NRXN3: variants seen among roughly 807,000 people sequenced by gnomAD.
NRXN3 encodes the protein neurexin 3, also known as neurexin III.
A neutral mutation model predicts 137.6 loss-of-function variants in NRXN3; 32 were observed. The observed-to-expected ratio is 0.23, with a 90% confidence interval of 0.18 to 0.31. NRXN3 has a LOEUF of 0.31. Among genes scored for constraint, NRXN3 ranks in the 10% least tolerant of loss-of-function variants. NRXN3 has a pLI of 1.00. For synonymous variants in NRXN3, 798 were observed against 784.5 expected, an observed-to-expected ratio of 1.02 and a Z score of -0.29; for missense variants, 1,574 against 2,062.5, an observed-to-expected ratio of 0.76 and a Z score of 4.59.
At chr14:79,162,558 C>A (rs2060893450) in intron 15 of NRXN3, among the ~76,000 whole-genome samples, 1 of 151,728 alleles carries the variant, frequency 6.6e-6, no homozygotes, top group African/African-American at 2.4e-5. Context: ...AGACACTTCT[C>A]AAAAGAAGAC....
At chr14:79,750,599 A>G (rs889787157) in intron 19 of NRXN3, among the ~76,000 whole-genome samples, 1 of 152,178 alleles carries the variant, frequency 6.6e-6, no homozygotes, top group Non-Finnish European at 1.5e-5. Context: ...GAGACCTGAA[A>G]GTAGAACCTG....
intron 8 of NRXN3, among the ~76,000 whole-genome samples, chr14:78,739,388 T>C (rs1202119984): frequency 6.6e-6 from 1 of 152,162 alleles, no homozygotes; most frequent in Non-Finnish European, 1.5e-5. Context: ...TCATAACCTC[T>C]TTACAGGCTG....
At chr14:78,945,563 G>A (rs1156639315) in intron 10 of NRXN3, among the ~76,000 whole-genome samples, 3 of 152,172 alleles carry the variant, frequency 2.0e-5, no homozygotes, top group Non-Finnish European at 4.4e-5. Flanking sequence ...AAAATGGAAC[G>A]AGGCTACCCA....
chr14:78,283,698 G>A (rs1225530182), intron 3 of NRXN3, among the ~76,000 whole-genome samples: 6 of 151,978 alleles, frequency 3.9e-5, no homozygotes, highest in African/African-American at 1.4e-4. Context: ...TAGCAGAGAC[G>A]GGGTTCCACC....
intron 6 of NRXN3, chr14:78,697,748 G>A (rs977759898): frequency 6.6e-6 from 1 of 151,976 alleles, no homozygotes; most frequent in African/African-American, 2.4e-5. Flanking sequence ...TCGAGTACCA[G>A]CATTTCTGTC....
intron 15 of NRXN3, among the ~76,000 whole-genome samples, chr14:79,159,947 TG>T (rs1369812822): frequency 6.6e-6 from 1 of 151,906 alleles, no homozygotes; most frequent in Non-Finnish European, 1.5e-5. Flanking sequence ...TCTACATATA[TG>T]GCCAGTGCTA....
At chr14:78,803,488 A>C in intron 8 of NRXN3, 132 bp from the exon 9 acceptor site, 1 of 775,490 alleles carries the variant, frequency 1.3e-6, no homozygotes, top group Non-Finnish European at 2.2e-6. Context: ...GGTAACAACA[A>C]GGGTTCATCA....
At chr14:79,446,304 T>C (rs1221605348) in intron 15 of NRXN3, among the ~76,000 whole-genome samples, 1 of 152,196 alleles carries the variant, frequency 6.6e-6, no homozygotes, top group Non-Finnish European at 1.5e-5. Context: ...TTTCCATTTC[T>C]GTCTACTGCT....
chr14:78,952,825 G>A (rs2099389595), intron 10 of NRXN3, among the ~76,000 whole-genome samples: 1 of 152,150 alleles, frequency 6.6e-6, no homozygotes, highest in South Asian at 2.1e-4. Context: ...GTAAAACCAA[G>A]TGATTATGAT....
At position 78,926,900 on chromosome 14, in the gene NRXN3, AATATATATAAT is replaced by A. The variant is rs1187091384; in HGVS notation, c.2276-30325_2276-30315del. Among the ~76,000 whole-genome samples, 11 of 24,146 alleles carry A rather than the reference AATATATATAAT, an allele frequency of 4.6e-4. 2 individuals are homozygous for A. Among genetic ancestry groups the A allele is most frequent in the African/African-American group, 3.4e-3 (8 of 2,352 alleles). The allele number at this position is 24,146 out of a possible 152,430, so 15.8% of individuals were successfully genotyped here. A position where few individuals can be genotyped will look rare whatever the true frequency, so the allele number is the denominator to read the frequency against. The stretch of plus-strand genomic sequence containing the variant: ...ATATAATATATTTATATATATATAT[AATATATATAAT>A]ATATATATAATATATAATATATTTA... On this transcript the variant is annotated intron_variant, in intron 10 of 20. Transcript: ENST00000335750.
intron 16 of NRXN3, among the ~76,000 whole-genome samples, chr14:79,526,064 T>G (rs902584117): frequency 2.6e-5 from 4 of 152,146 alleles, no homozygotes; most frequent in Non-Finnish European, 5.9e-5. Flanking sequence ...TTTCTTTTTT[T>G]GAGACGGAGT....
chr14:78,542,509 A>G (rs866734394), intron 4 of NRXN3, among the ~76,000 whole-genome samples: 37 of 152,326 alleles, frequency 2.4e-4, no homozygotes, highest in Middle Eastern at 3.4e-3. Flanking sequence ...CACAGGAGAG[A>G]ATCTCCTTGT....
At chr14:79,682,315 A>T (rs1309110075) in intron 17 of NRXN3, among the ~76,000 whole-genome samples, 3 of 152,186 alleles carry the variant, frequency 2.0e-5, no homozygotes, top group Non-Finnish European at 2.9e-5. Flanking sequence ...ATTTGAGGCC[A>T]TGTTGCAGTT....
chr14:78,299,018 C>T lies in NRXN3; in HGVS notation c.757+1158C>T, dbSNP rs371600169. On this transcript the variant is annotated intron_variant, in intron 4 of 20. Coordinates refer to ENST00000335750, the MANE Select transcript of NRXN3 (RefSeq NM_001330195.2). ...CCAGTTAGCTGTGGAAGTGGGCAGTCGAGGGCATCCTGAACTGACAAAGCA... is the reference window on the plus strand; with the variant it reads ...CCAGTTAGCTGTGGAAGTGGGCAGTTGAGGGCATCCTGAACTGACAAAGCA... Among the ~76,000 whole-genome samples, 12 of 152,198 alleles carry T rather than the reference C, an allele frequency of 7.9e-5. No homozygotes were observed. The East Asian group carries it at 2.1e-3, about 27-fold the overall frequency.
At chr14:78,866,020 C>T (rs1190144069) in intron 10 of NRXN3, among the ~76,000 whole-genome samples, 2 of 152,104 alleles carry the variant, frequency 1.3e-5, no homozygotes, top group African/African-American at 4.8e-5. Flanking sequence ...AATTTATCAC[C>T]AGGTTCATAA....
At chr14:78,997,300 TCCA>T (rs150940253) in intron 15 of NRXN3, among the ~76,000 whole-genome samples, 5,840 of 152,260 alleles carry the variant, frequency 0.038, 309 homozygotes, top group African/African-American at 0.12. Flanking sequence ...TAATTTCATT[TCCA>T]CCATCTTCCA....
At chr14:78,935,544 A>C (rs1338687404) in intron 10 of NRXN3, among the ~76,000 whole-genome samples, 1 of 152,226 alleles carries the variant, frequency 6.6e-6, no homozygotes, top group Non-Finnish European at 1.5e-5. Flanking sequence ...TAATACAATG[A>C]AAATGCTATG....
At chr14:79,254,385 CA>C (rs2076311722) in intron 15 of NRXN3, among the ~76,000 whole-genome samples, 1 of 152,154 alleles carries the variant, frequency 6.6e-6, no homozygotes, top group African/African-American at 2.4e-5. Flanking sequence ...TGGGGAAGAT[CA>C]GCTCATTTAC....
At chr14:79,096,078 TC>T (rs2050268583) in intron 15 of NRXN3, among the ~76,000 whole-genome samples, 1 of 151,810 alleles carries the variant, frequency 6.6e-6, no homozygotes, top group South Asian at 2.1e-4. Flanking sequence ...TCCCTGCCTC[TC>T]TCTTTTTTGA....
Sources: gnomAD v4.1 joint callset for allele counts (sites outside exome capture counted in the v4.1 genomes callset) on GRCh38, gnomAD v4.1.1 for gene constraint, MANE v1.5 for transcripts, NCBI Gene and HGNC (gene_info 2026-07-23, HGNC 2026-07-21) for gene names.